The following SLC26A7 variants were observed in gnomAD, a reference collection of about 807,000 sequenced individuals.
SLC26A7 encodes anion exchange transporter.
In SLC26A7, 59 loss-of-function variants were observed where a neutral mutation model predicts 82.5. The observed-to-expected ratio is 0.72, with a 90% CI of 0.58 to 0.89. The LOEUF (loss-of-function observed/expected upper bound fraction) is 0.89. Ranked by LOEUF, SLC26A7 falls within the 40% of genes least tolerant of loss-of-function variation. The pLI, the probability that SLC26A7 is intolerant of heterozygous loss-of-function variation, is 0.00. For missense variants in SLC26A7, 820 were observed against 793.0 expected, an observed-to-expected ratio of 1.03 and a Z score of -0.41; for synonymous variants, 271 against 274.3, an observed-to-expected ratio of 0.99 and a Z score of 0.12.
At chr8:91,371,921 T>C (rs536508470) in intron 15 of SLC26A7, among the ~76,000 whole-genome samples, 3 of 152,148 alleles carry the variant, frequency 2.0e-5, no homozygotes, top group African/African-American at 7.2e-5. Context: ...GACTTTCTAA[T>C]AATAGCCTTT....
At chr8:91,223,015 T>A (rs1810182397) in intron 2 of SLC26A7, among the ~76,000 whole-genome samples, 1 of 152,200 alleles carries the variant, frequency 6.6e-6, no homozygotes, top group Non-Finnish European at 1.5e-5. Context: ...TTTCAGAACT[T>A]GCTATTGGTC....
intron 5 of SLC26A7, among the ~76,000 whole-genome samples, chr8:91,328,595 TAC>T (rs934349273): frequency 1.3e-5 from 2 of 152,152 alleles, no homozygotes; most frequent in African/African-American, 4.8e-5. Context: ...TTGTTACTAT[TAC>T]TATGCTAGAC....
chr8:91,380,855 GT>G (rs1266936999), intron 15 of SLC26A7, among the ~76,000 whole-genome samples: 10 of 152,122 alleles, frequency 6.6e-5, no homozygotes, highest in Non-Finnish European at 1.2e-4. Context: ...CAATAATATT[GT>G]TTGTAACTGT....
At chr8:91,244,678 AATTATTATT>A (rs1182769155), upstream of SLC26A7, among the ~76,000 whole-genome samples, 1 of 150,078 alleles carries the variant, frequency 6.7e-6, no homozygotes, top group African/African-American at 2.4e-5. Context: ...TAAATTTTTC[AATTATTATT>A]ATTATTATTA....
At chr8:91,336,956 G>C (rs569166487) in intron 6 of SLC26A7, among the ~76,000 whole-genome samples, 1 of 152,068 alleles carries the variant, frequency 6.6e-6, no homozygotes, top group Non-Finnish European at 1.5e-5. Flanking sequence ...ATTAATTGGC[G>C]TAGGAATTTT....
At position 91,331,344 on chromosome 8, in the gene SLC26A7, A is replaced by G. The variant is rs77901555; in HGVS notation, c.643-2951A>G. ...ATAAATGTACATTTTGTCTAAAATA[A>G]TGAATTTAATGGATGTAGACTACTA... is the stretch of plus-strand genomic sequence containing the variant. On this transcript the variant is annotated intron_variant, in intron 5 of 18. Coordinates refer to ENST00000276609, the MANE Select transcript of SLC26A7 (RefSeq NM_052832.4). Among the ~76,000 whole-genome samples, 766 of 152,298 alleles carry G rather than the reference A, an allele frequency of 5.0e-3. 5 individuals are homozygous for G. The highest frequency in any genetic ancestry group is 0.018 in the African/African-American group (730 of 41,566).
intron 2 of SLC26A7, among the ~76,000 whole-genome samples, chr8:91,274,682 A>G (rs1811360018): frequency 6.6e-6 from 1 of 152,230 alleles, no homozygotes; most frequent in African/African-American, 2.4e-5. Flanking sequence ...TGGAAGAAGC[A>G]AACATTCAAA....
chr8:91,384,204 A>T (rs897173587), intron 15 of SLC26A7, among the ~76,000 whole-genome samples: 1 of 152,056 alleles, frequency 6.6e-6, no homozygotes. Flanking sequence ...TCTAGAGGAG[A>T]ACTCATATCC....
chr8:91,266,631 A>T (rs573913528), intron 2 of SLC26A7, among the ~76,000 whole-genome samples: 13 of 151,940 alleles, frequency 8.6e-5, no homozygotes, highest in African/African-American at 2.9e-4. Flanking sequence ...TAGTTCTAAC[A>T]ATTTTGTGGT....
chr8:91,349,920 C>T (rs1007541887), intron 9 of SLC26A7, among the ~76,000 whole-genome samples: 3 of 152,230 alleles, frequency 2.0e-5, no homozygotes, highest in Non-Finnish European at 4.4e-5. Context: ...CTGACACCTA[C>T]CTCGTTGCAG....
intron 4 of SLC26A7, among the ~76,000 whole-genome samples, chr8:91,301,389 T>A (rs1389307693): frequency 6.6e-6 from 1 of 152,194 alleles, no homozygotes; most frequent in Non-Finnish European, 1.5e-5. Context: ...CTCTGCAGTT[T>A]CTTTTACAAA....
intron 14 of SLC26A7, among the ~76,000 whole-genome samples, chr8:91,367,003 C>A (rs1226270722): frequency 1.3e-5 from 2 of 151,914 alleles, no homozygotes; most frequent in Non-Finnish European, 2.9e-5. Flanking sequence ...CTTAACCAAC[C>A]TCCAAAGGAT....
At chr8:91,334,970 T>G (rs1813200242) in intron 6 of SLC26A7, among the ~76,000 whole-genome samples, 1 of 152,210 alleles carries the variant, frequency 6.6e-6, no homozygotes, top group Non-Finnish European at 1.5e-5. Flanking sequence ...TTTTTTGTTG[T>G]ACCTGGAAAA....
chr8:91,325,429 C>T lies in SLC26A7; in HGVS notation c.642+7049C>T, dbSNP rs571141126. 3.9e-5 allele frequency among the ~76,000 whole-genome samples: 6 copies of T among 152,190 alleles called. No homozygotes were observed. The East Asian group carries it at 9.7e-4, about 25-fold the overall frequency. ...ATGAAAATTCCTCTCCCTTCAGGAACGGAGGGTGAAGGCACTGTATAGATA... is the reference window on the plus strand; with the variant it reads ...ATGAAAATTCCTCTCCCTTCAGGAATGGAGGGTGAAGGCACTGTATAGATA... On this transcript the variant is annotated intron_variant, in intron 5 of 18. Coordinates refer to ENST00000276609, the MANE Select transcript of SLC26A7 (RefSeq NM_052832.4).
At chr8:91,256,199 T>C (rs1810797406) in intron 2 of SLC26A7, among the ~76,000 whole-genome samples, 1 of 152,114 alleles carries the variant, frequency 6.6e-6, no homozygotes, top group Non-Finnish European at 1.5e-5. Context: ...TTCTGGAAAT[T>C]GTGCCCCGGC....
At chr8:91,374,262 G>T (rs1285101181) in intron 15 of SLC26A7, among the ~76,000 whole-genome samples, 2 of 151,450 alleles carry the variant, frequency 1.3e-5, no homozygotes, top group Non-Finnish European at 3.0e-5. Flanking sequence ...TCATCTGCTA[G>T]CTTTGGGTTT....
intron 3 of SLC26A7, 126 bp downstream of exon 3, chr8:91,289,372 T>C: frequency 2.8e-6 from 2 of 721,382 alleles, no homozygotes; most frequent in African/African-American, 1.7e-5. Flanking sequence ...TAGAGGAAGA[T>C]ATTTACTCTC....
chr8:91,358,455 A>G (rs1183752871), intron 11 of SLC26A7, among the ~76,000 whole-genome samples: 10 of 150,218 alleles, frequency 6.7e-5, no homozygotes, highest in African/African-American at 2.0e-4. Context: ...TCAGGCTCCC[A>G]AGTAGCTGGG....
rs1814204763 is a variant in SLC26A7 at position 91,366,721 on chromosome 8, G to T, written c.1626+4G>T. On this transcript the variant is annotated splice_donor_region_variant and intron_variant, in intron 14 of 18. Coordinates refer to ENST00000276609, the MANE Select transcript of SLC26A7 (RefSeq NM_052832.4). ...GCCACTTGATGATATCAGCAAGGTA[G>T]GATCAATGGTTTGATTAGAATGTCA... 6.2e-7 allele frequency: 1 copy of T among 1,606,902 alleles called. No homozygotes were observed. Among genetic ancestry groups the T allele is most frequent in the Admixed American group, 1.7e-5 (1 of 57,580 alleles).
Sources: gnomAD v4.1 joint callset for allele counts (sites outside exome capture counted in the v4.1 genomes callset) on GRCh38, gnomAD v4.1.1 for gene constraint, MANE v1.5 for transcripts, NCBI Gene and HGNC (gene_info 2026-07-23, HGNC 2026-07-21) for gene names.